PTBP2: variants seen among roughly 807,000 people sequenced by gnomAD.
PTBP2 encodes the protein polypyrimidine tract-binding protein 2.
Under a neutral mutation model 61.4 loss-of-function variants are expected in PTBP2, and 13 were observed. The observed-to-expected ratio is 0.21, with a 90% confidence interval of 0.14 to 0.34. The LOEUF (loss-of-function observed/expected upper bound fraction) is 0.34. PTBP2 is among the 10% of genes least tolerant of loss of function. PTBP2 has a pLI of 1.00. For synonymous variants in PTBP2, 215 were observed against 218.5 expected (o/e 0.98, Z 0.14); for missense variants, 405 against 642.6 (o/e 0.63, Z 4.00).
chr1:96,802,200 G>A (rs1661073021), intron 8 of PTBP2, among the ~76,000 whole-genome samples: 1 of 108,318 alleles, frequency 9.2e-6, no homozygotes, highest in East Asian at 3.1e-4. Flanking sequence ...GACACAGCGA[G>A]ACTCCGTCTC....
intron 2 of PTBP2, among the ~76,000 whole-genome samples, chr1:96,726,111 A>G (rs902876149): frequency 5.6e-5 from 8 of 141,916 alleles, no homozygotes; most frequent in African/African-American, 2.1e-4. Flanking sequence ...AAAAAAAAAA[A>G]TTCAAACTGC....
intron 7 of PTBP2, among the ~76,000 whole-genome samples, chr1:96,781,341 C>A (rs1479007343): frequency 6.6e-6 from 1 of 151,808 alleles, no homozygotes; most frequent in Non-Finnish European, 1.5e-5. Flanking sequence ...ATCACAATAC[C>A]CTTTAGTGAC....
At chr1:96,753,661 C>G (rs190290481) in intron 3 of PTBP2, among the ~76,000 whole-genome samples, 246 of 151,004 alleles carry the variant, frequency 1.6e-3, no homozygotes, top group African/African-American at 5.7e-3. Context: ...CAGACAAGGA[C>G]GATAAGTATT....
At chr1:96,771,092 T>G (rs1403057067) in intron 5 of PTBP2, 1 of 323,238 alleles carries the variant, frequency 3.1e-6, no homozygotes, top group Non-Finnish European at 5.6e-6. Flanking sequence ...TGTAGAAACT[T>G]ATCAGGTAGG....
intron 8 of PTBP2, among the ~76,000 whole-genome samples, chr1:96,786,669 A>T (rs1233463508): frequency 6.6e-6 from 1 of 152,214 alleles, no homozygotes; most frequent in Admixed American, 6.5e-5. Flanking sequence ...CACTTGGCAG[A>T]TACATTACTT....
intron 2 of PTBP2, among the ~76,000 whole-genome samples, chr1:96,733,286 G>T (rs1027997051): frequency 6.6e-6 from 1 of 151,936 alleles, no homozygotes; most frequent in Non-Finnish European, 1.5e-5. Flanking sequence ...CCACTTACAG[G>T]GACCTTGTGA....
At chr1:96,806,814 C>A (rs1340734581) in intron 10 of PTBP2, 52 bp from the exon 11 acceptor site, 3 of 1,351,260 alleles carry the variant, frequency 2.2e-6, no homozygotes, top group African/African-American at 1.5e-5. Flanking sequence ...TAGGTGACTT[C>A]CACATAAAAT....
chr1:96,773,990 G>C (rs1657713336), intron 5 of PTBP2, among the ~76,000 whole-genome samples: 1 of 150,308 alleles, frequency 6.7e-6, no homozygotes, highest in African/African-American at 2.4e-5. Context: ...AGAATTCCTG[G>C]TACCAGCAGG....
chr1:96,823,166 G>T (rs1393389228), exon 14 of PTBP2: 1 of 152,244 alleles, frequency 6.6e-6, no homozygotes, highest in African/African-American at 2.4e-5. Context: ...TCACCATGTT[G>T]GCCAGGCTGG....
At chr1:96,772,509 C>G (rs1357817994) in intron 5 of PTBP2, among the ~76,000 whole-genome samples, 2 of 152,128 alleles carry the variant, frequency 1.3e-5, no homozygotes, top group South Asian at 2.1e-4. Flanking sequence ...TGCGGTAGAT[C>G]ACCAGAACCT....
intron 3 of PTBP2, among the ~76,000 whole-genome samples, chr1:96,754,436 T>C (rs932723120): frequency 6.6e-6 from 1 of 152,166 alleles, no homozygotes; most frequent in African/African-American, 2.4e-5. Context: ...TCTTCAGTGG[T>C]AAGGTTCTTA....
intron 3 of PTBP2, among the ~76,000 whole-genome samples, chr1:96,768,332 A>T (rs1330239241): frequency 6.6e-6 from 1 of 152,100 alleles, no homozygotes; most frequent in African/African-American, 2.4e-5. Flanking sequence ...GAGTGAATTA[A>T]TTTTGAAGAT....
At chr1:96,805,363 G>C (rs1419982756) in intron 9 of PTBP2, among the ~76,000 whole-genome samples, 2 of 151,812 alleles carry the variant, frequency 1.3e-5, no homozygotes, top group Admixed American at 1.3e-4. Context: ...CTTATTTTAT[G>C]TGAACTACTC....
chr1:96,804,855 T>A lies in PTBP2; in HGVS notation c.960T>A (p.Ala320=). The A allele has an allele frequency of 6.2e-7, 1 of 1,610,188 alleles. No homozygotes were observed. The highest frequency in any genetic ancestry group is 8.5e-7 in the Non-Finnish European group (1 of 1,177,004). ...LAIPNAAAAA[A]AAAAGRVGMP... ...TTCCAAATGCTGCTGCAGCAGCTGC[T>A]GCAGCTGCTGCTGGCCGAGTGGGTA... is the stretch of plus-strand genomic sequence containing the variant. Residue 320 remains alanine (A), a synonymous_variant, in exon 9 of 14, where the codon GCT becomes GCA. Transcript: ENST00000674951.
At chr1:96,775,766 T>C (rs1657964395) in intron 5 of PTBP2, among the ~76,000 whole-genome samples, 2 of 152,008 alleles carry the variant, frequency 1.3e-5, no homozygotes, top group Admixed American at 6.5e-5. Flanking sequence ...CCATGAATTA[T>C]AAGAAAAAAT....
chr1:96,814,312 A>T lies in PTBP2; in HGVS notation c.*907A>T, dbSNP rs542892034. 6.6e-6 allele frequency: 1 copy of T among 152,532 alleles called. No individual in the cohort carries two copies. Among genetic ancestry groups the T allele is most frequent in the Non-Finnish European group, 1.5e-5 (1 of 67,966 alleles). The allele number at this position is 152,532 out of a possible 1,614,324, so 9.4% of individuals were successfully genotyped here. On this transcript the variant is annotated 3_prime_UTR_variant, in exon 14 of 14. Transcript: ENST00000674951. ...GGAATATGGTTGTGGATTTCTGAGC[A>T]TGTGCAGACTGGTCTAGCTAGTTCA...
intron 8 of PTBP2, among the ~76,000 whole-genome samples, chr1:96,795,012 G>C (rs745665613): frequency 1.3e-5 from 2 of 152,202 alleles, no homozygotes; most frequent in Admixed American, 1.3e-4. Context: ...ACTGGAAGAT[G>C]AGCATCAGAG....
At chr1:96,809,976 C>G (rs1168338495) in intron 11 of PTBP2, among the ~76,000 whole-genome samples, 1 of 151,860 alleles carries the variant, frequency 6.6e-6, no homozygotes, top group African/African-American at 2.4e-5. Context: ...AAAAAATAGA[C>G]AAACATCTAA....
At chr1:96,764,793 T>C (rs1570855312) in intron 3 of PTBP2, among the ~76,000 whole-genome samples, 1 of 152,244 alleles carries the variant, frequency 6.6e-6, no homozygotes, top group Non-Finnish European at 1.5e-5. Context: ...ATAGTGTTAC[T>C]ATTTATGAGG....
Sources: allele counts gnomAD v4.1 joint callset (sites outside exome capture counted in the v4.1 genomes callset), GRCh38; gene constraint gnomAD v4.1.1; transcripts MANE v1.5; gene names NCBI Gene and HGNC (gene_info 2026-07-23, HGNC 2026-07-21).